IL1RAPL1: variants seen among roughly 807,000 people sequenced by gnomAD.
IL1RAPL1 encodes the protein interleukin-1 receptor accessory protein-like 1.
Under a neutral mutation model 48.4 loss-of-function variants are expected in IL1RAPL1, and 3 were observed. The observed-to-expected ratio is 0.06, with a 90% CI of 0.03 to 0.16. IL1RAPL1 has a LOEUF of 0.16. Among genes scored for constraint, IL1RAPL1 ranks in the 10% least tolerant of loss-of-function variants. The pLI, the probability that IL1RAPL1 is intolerant of heterozygous loss-of-function variation, is 1.00. For synonymous variants in IL1RAPL1, 185 were observed against 187.7 expected (o/e 0.99, Z 0.12); for missense variants, 349 against 530.6 (o/e 0.66, Z 3.36).
chrX:29,072,534 A>C (rs1258797045), intron 2 of IL1RAPL1, among the ~76,000 whole-genome samples: 1 of 111,574 alleles, frequency 9.0e-6, no homozygotes, highest in African/African-American at 3.3e-5. Flanking sequence ...ACTTCTCTCT[A>C]AAATTGCATC....
intron 3 of IL1RAPL1, among the ~76,000 whole-genome samples, chrX:29,376,552 T>G (rs1933626278): frequency 1.8e-5 from 2 of 109,914 alleles, no homozygotes; most frequent in Admixed American, 1.9e-4. Context: ...TTGCATTTTT[T>G]TGTAGAGATG....
intron 6 of IL1RAPL1, among the ~76,000 whole-genome samples, chrX:29,834,457 G>T (rs942637608): frequency 9.4e-6 from 1 of 106,615 alleles, no homozygotes; most frequent in East Asian, 2.9e-4. Context: ...ACCTCTCAAC[G>T]CTACCCCTTG....
At chrX:29,224,359 A>G (rs1308159582) in intron 2 of IL1RAPL1, among the ~76,000 whole-genome samples, 1 of 111,099 alleles carries the variant, frequency 9.0e-6, no homozygotes, top group Non-Finnish European at 1.9e-5. Context: ...AAACATTCAG[A>G]CTGGCTATGT....
At chrX:29,051,457 A>C (rs772686245) in intron 2 of IL1RAPL1, among the ~76,000 whole-genome samples, 2 of 112,067 alleles carry the variant, frequency 1.8e-5, no homozygotes, top group Admixed American at 9.5e-5. Context: ...AGTGTTTGTC[A>C]TATGTCGGAA....
At chrX:28,742,430 A>ATTCCTATTTTT (rs1935921040) in intron 1 of IL1RAPL1, among the ~76,000 whole-genome samples, 1 of 111,532 alleles carries the variant, frequency 9.0e-6, no homozygotes, top group African/African-American at 3.3e-5. Flanking sequence ...ACAAAGATGA[A>ATTCCTATTTTT]AATGTATTTT....
intron 2 of IL1RAPL1, among the ~76,000 whole-genome samples, chrX:28,817,672 T>A (rs1320155675): frequency 9.0e-6 from 1 of 111,458 alleles, no homozygotes; most frequent in East Asian, 2.8e-4. Context: ...TGGTAACTTT[T>A]AAAAATATCC....
intron 6 of IL1RAPL1, among the ~76,000 whole-genome samples, chrX:29,778,211 A>G (rs768945329): frequency 2.7e-5 from 3 of 111,751 alleles, no homozygotes; most frequent in East Asian, 2.8e-4. Flanking sequence ...TATTTTGCCA[A>G]TATAAGAGTC....
At chrX:29,027,163 C>T (rs1381733978) in intron 2 of IL1RAPL1, among the ~76,000 whole-genome samples, 1 of 111,961 alleles carries the variant, frequency 8.9e-6, no homozygotes, top group African/African-American at 3.2e-5. Flanking sequence ...TAGTTTCACT[C>T]TCCCAAAAAT....
chrX:29,263,774 C>A (rs1931900807), intron 2 of IL1RAPL1, among the ~76,000 whole-genome samples: 1 of 109,782 alleles, frequency 9.1e-6, no homozygotes, highest in South Asian at 4.0e-4. Context: ...TAAAACTACC[C>A]TAGAATTGGC....
intron 2 of IL1RAPL1, among the ~76,000 whole-genome samples, chrX:29,055,041 A>G (rs1477678700): frequency 8.9e-6 from 1 of 111,915 alleles, no homozygotes. Context: ...ATATTTACAC[A>G]TATTCAATAT....
intron 5 of IL1RAPL1, among the ~76,000 whole-genome samples, chrX:29,480,329 A>ATATATATATATAT (rs1935029215): frequency 1.3e-5 from 1 of 78,178 alleles, no homozygotes; most frequent in African/African-American, 6.7e-5. Flanking sequence ...CATACCTTTG[A>ATATATATATATAT]ATGGATCTAT....
intron 1 of IL1RAPL1, among the ~76,000 whole-genome samples, chrX:28,625,254 C>A (rs952618338): frequency 1.8e-5 from 2 of 111,603 alleles, no homozygotes; most frequent in African/African-American, 6.5e-5. Context: ...GAACAGTGAA[C>A]TGATGCTTTT....
chrX:29,721,253 G>A (rs1288428049), intron 6 of IL1RAPL1, among the ~76,000 whole-genome samples: 3 of 111,631 alleles, frequency 2.7e-5, no homozygotes, highest in Non-Finnish European at 3.8e-5. Context: ...ACATTAACAT[G>A]GGTTAGATAA....
At chrX:29,115,773 A>G (rs1928666452) in intron 2 of IL1RAPL1, among the ~76,000 whole-genome samples, 1 of 110,403 alleles carries the variant, frequency 9.1e-6, no homozygotes, top group Non-Finnish European at 1.9e-5. Flanking sequence ...ACTTGAACTT[A>G]TTTATAGCAT....
intron 5 of IL1RAPL1, among the ~76,000 whole-genome samples, chrX:29,596,248 C>T (rs775069889): frequency 9.0e-6 from 1 of 111,143 alleles, no homozygotes; most frequent in Non-Finnish European, 1.9e-5. Flanking sequence ...TTTAGGACGG[C>T]TTTTCTAGTT....
intron 9 of IL1RAPL1, among the ~76,000 whole-genome samples, chrX:29,942,512 T>C (rs1009298665): frequency 1.8e-5 from 2 of 111,165 alleles, no homozygotes; most frequent in African/African-American, 6.6e-5. Context: ...ATTAGACTTA[T>C]GTTTTTAAAA....
chrX:28,792,068 G>A (rs1162481329), intron 2 of IL1RAPL1, among the ~76,000 whole-genome samples: 1 of 111,749 alleles, frequency 8.9e-6, no homozygotes, highest in African/African-American at 3.3e-5. Context: ...TATTAACCAA[G>A]AGGACTTCTT....
chrX:29,469,452 C>A (rs140239163), intron 5 of IL1RAPL1, among the ~76,000 whole-genome samples: 4,856 of 111,453 alleles, frequency 0.044, 285 homozygotes, highest in African/African-American at 0.15. Flanking sequence ...TACAATATTT[C>A]ATTTGCTGTT....
chrX:29,255,131 G>GTA (rs1295687604), intron 2 of IL1RAPL1, among the ~76,000 whole-genome samples: 2 of 99,023 alleles, frequency 2.0e-5, no homozygotes, highest in Non-Finnish European at 3.9e-5. Context: ...ATTTGTGTGT[G>GTA]TGTGTGTGTG....
Sources: gnomAD v4.1 joint callset for allele counts (sites outside exome capture counted in the v4.1 genomes callset) on GRCh38, gnomAD v4.1.1 for gene constraint, MANE v1.5 for transcripts, NCBI Gene and HGNC (gene_info 2026-07-23, HGNC 2026-07-21) for gene names.